The following TTLL7 variants were observed in gnomAD, a reference collection of about 807,000 sequenced individuals.
TTLL7 encodes tubulin tyrosine ligase like 7, also known as tubulin polyglutamylase TTLL7.
In TTLL7, 53 loss-of-function variants were observed where a neutral mutation model predicts 120.2. That is an observed-to-expected ratio of 0.44 (90% CI 0.35 to 0.55). The LOEUF is 0.55. Among genes scored for constraint, TTLL7 ranks in the 20% least tolerant of loss-of-function variants. The probability of loss-of-function intolerance (pLI) is 0.00; values close to 1 mark genes in which losing one functional copy is unlikely to be tolerated. For synonymous variants in TTLL7, 353 were observed against 351.7 expected, an observed-to-expected ratio of 1.00 and a Z score of -0.04; for missense variants, 803 against 1,054.7, an observed-to-expected ratio of 0.76 and a Z score of 3.31.
In TTLL7 at chr1:83,921,095, C is replaced by A; in HGVS notation, c.1356G>T (p.Gly452=). 1.2e-6 allele frequency: 2 copies of A among 1,612,430 alleles called. No homozygotes were observed. The highest frequency in any genetic ancestry group is 1.7e-6 in the Non-Finnish European group (2 of 1,179,390). ...SREEHENRHM[G]NYRRIYPPED... ...AATAGCAGCACAGTTACCTATAATT[C>A]CCCATATGTCGATTTTCATGTTCTT... The change falls in exon 12 of 21, where the codon GGG becomes GGT. Residue 452 remains glycine, a synonymous_variant. Transcript: ENST00000260505.
chr1:83,886,373 C>G (rs1654975593), intron 19 of TTLL7, among the ~76,000 whole-genome samples: 1 of 152,008 alleles, frequency 6.6e-6, no homozygotes, highest in Non-Finnish European at 1.5e-5. Context: ...TTCTCTTTTC[C>G]TCTTCCAGGC....
chr1:83,955,816 A>G (rs1275125290), intron 1 of TTLL7, among the ~76,000 whole-genome samples: 1 of 152,044 alleles, frequency 6.6e-6, no homozygotes, highest in Non-Finnish European at 1.5e-5. Context: ...GGAGTTTGAG[A>G]CCAGCCTGAG....
At chr1:83,910,591 C>T (rs973404004) in intron 15 of TTLL7, among the ~76,000 whole-genome samples, 27 of 151,930 alleles carry the variant, frequency 1.8e-4, no homozygotes, top group Admixed American at 1.5e-3. Flanking sequence ...GAAGCAGAAA[C>T]GGAAGGAGAT....
chr1:83,905,634 A>C (rs898095613), intron 17 of TTLL7, among the ~76,000 whole-genome samples: 1 of 151,698 alleles, frequency 6.6e-6, no homozygotes, highest in Non-Finnish European at 1.5e-5. Flanking sequence ...GCCCCCAAAA[A>C]ACAAGGTTCT....
intron 7 of TTLL7, among the ~76,000 whole-genome samples, chr1:83,941,242 C>G (rs925112393): frequency 5.3e-5 from 8 of 152,242 alleles, no homozygotes. Context: ...AACCATCACA[C>G]TTACCATCAG....
At chr1:83,988,348 A>T (rs1036933599) in intron 1 of TTLL7, among the ~76,000 whole-genome samples, 3 of 152,188 alleles carry the variant, frequency 2.0e-5, no homozygotes, top group African/African-American at 7.2e-5. Context: ...CATATTATAC[A>T]AGTACATGTA....
At chr1:83,966,289 CTG>C (rs1412316232) in intron 1 of TTLL7, among the ~76,000 whole-genome samples, 1 of 152,106 alleles carries the variant, frequency 6.6e-6, no homozygotes, top group East Asian at 1.9e-4. Context: ...CTAGACTACT[CTG>C]CAGATTTTTG....
At chr1:83,935,594 T>C (rs1647310470) in intron 8 of TTLL7, among the ~76,000 whole-genome samples, 1 of 152,102 alleles carries the variant, frequency 6.6e-6, no homozygotes, top group African/African-American at 2.4e-5. Flanking sequence ...TTTCTACTGA[T>C]TTTTATTATT....
intron 12 of TTLL7, 122 bp from the exon 13 acceptor site, chr1:83,919,956 G>A (rs1004530800): frequency 1.2e-5 from 10 of 848,282 alleles, no homozygotes; most frequent in Non-Finnish European, 1.6e-5. Context: ...CCAGGTATAA[G>A]CATTTCTATA....
intron 14 of TTLL7, among the ~76,000 whole-genome samples, chr1:83,915,716 T>C (rs894179631): frequency 4.6e-5 from 7 of 151,848 alleles, no homozygotes; most frequent in Non-Finnish European, 8.8e-5. Context: ...ACCTACAGAA[T>C]GGGAGAAAAT....
rs993064358 is a variant in TTLL7 at position 83,893,371 on chromosome 1, T to C, written c.2209-2890A>G. On this transcript the variant is annotated intron_variant, in intron 18 of 20. Coordinates refer to ENST00000260505, the MANE Select transcript of TTLL7 (RefSeq NM_024686.6). Reference sequence around the variant, plus strand: ...GTAGGTATTTCCAACAAAATTCTTTTGTAAAAAAACAAAAAGAAAAAAAAA... The same window carrying C: ...GTAGGTATTTCCAACAAAATTCTTTCGTAAAAAAACAAAAAGAAAAAAAAA... Among the ~76,000 whole-genome samples, 8 of 151,926 alleles carry C rather than the reference T, an allele frequency of 5.3e-5. 1 individual carries two copies. The highest frequency in any genetic ancestry group is 3.2e-3 in the Middle Eastern group (1 of 316).
chr1:83,989,934 T>C (rs1652826111), intron 1 of TTLL7, among the ~76,000 whole-genome samples: 1 of 152,030 alleles, frequency 6.6e-6, no homozygotes, highest in African/African-American at 2.4e-5. Context: ...TTATTGATGT[T>C]GGGGATTTTT....
intron 12 of TTLL7, 104 bp from the exon 13 acceptor site, chr1:83,919,938 T>G: frequency 1.9e-6 from 2 of 1,037,556 alleles, no homozygotes; most frequent in Non-Finnish European, 2.8e-6. Flanking sequence ...TCTATACCAG[T>G]CACATTGCCA....
intron 14 of TTLL7, among the ~76,000 whole-genome samples, chr1:83,912,214 T>C (rs533186998): frequency 6.6e-6 from 1 of 152,228 alleles, no homozygotes; most frequent in Admixed American, 6.5e-5. Flanking sequence ...ATTTCTCTAA[T>C]AGAGAATGGA....
rs1215104321 is a variant in TTLL7 at position 83,867,725 on chromosome 1, C to G, written c.*2237G>C. Reference sequence around the variant, plus strand: ...GAGAAACTGGGCTGTTATCATATATCAGACACTTATATATATATTTTTGTG... The same window carrying G: ...GAGAAACTGGGCTGTTATCATATATGAGACACTTATATATATATTTTTGTG... On this transcript the variant is annotated 3_prime_UTR_variant, in exon 21 of 21. Transcript: ENST00000260505. 3 of 151,508 alleles carry G rather than the reference C, an allele frequency of 2.0e-5. No homozygotes were observed. In the East Asian group the frequency reaches 5.8e-4, roughly 29 times the overall value. 9.4% of individuals were successfully genotyped at this position (151,508 alleles called of 1,614,324 possible). A position where few individuals can be genotyped will look rare whatever the true frequency, so the allele number is the denominator to read the frequency against.
chr1:83,906,776 GA>G (rs972135989), intron 16 of TTLL7, among the ~76,000 whole-genome samples: 23 of 151,012 alleles, frequency 1.5e-4, no homozygotes, highest in African/African-American at 5.6e-4. Context: ...TTCTTGATTA[GA>G]AAAAAAAATT....
At chr1:83,894,870 G>A (rs1656077582) in intron 18 of TTLL7, among the ~76,000 whole-genome samples, 4 of 151,976 alleles carry the variant, frequency 2.6e-5, no homozygotes, top group South Asian at 2.1e-4. Flanking sequence ...AGTTTTCAAG[G>A]AGCCTCCGCA....
chr1:83,872,843 A>G (rs1653561747), intron 20 of TTLL7, among the ~76,000 whole-genome samples: 1 of 152,232 alleles, frequency 6.6e-6, no homozygotes, highest in South Asian at 2.1e-4. Context: ...TATATGGCAG[A>G]TATTACTGTT....
intron 14 of TTLL7, 125 bp downstream of exon 14, chr1:83,917,479 C>A: frequency 3.2e-6 from 2 of 632,244 alleles, no homozygotes; most frequent in East Asian, 2.7e-5. Flanking sequence ...CAAACTTTAC[C>A]TGCACTGGGC....
Sources: gnomAD v4.1 joint callset for allele counts (sites outside exome capture counted in the v4.1 genomes callset) on GRCh38, gnomAD v4.1.1 for gene constraint, MANE v1.5 for transcripts, NCBI Gene and HGNC (gene_info 2026-07-23, HGNC 2026-07-21) for gene names.